Variants in TNFRSF19 observed in about 807,000 individuals in gnomAD.
TNFRSF19 encodes the protein TNF receptor superfamily member 19, also known as tumor necrosis factor receptor superfamily member 19.
TNFRSF19 carries 27 observed loss-of-function variants against 46.4 expected under a neutral mutation model. The observed-to-expected ratio is 0.58, with a 90% CI of 0.43 to 0.80. The LOEUF (loss-of-function observed/expected upper bound fraction) is 0.80, where lower values mean the gene tolerates loss of function less well. Ranked by LOEUF, TNFRSF19 falls within the 30% of genes least tolerant of loss-of-function variation. TNFRSF19 has a pLI of 0.00. For synonymous variants in TNFRSF19, 204 were observed against 205.0 expected, an observed-to-expected ratio of 1.00 and a Z score of 0.04; for missense variants, 511 against 530.8, an observed-to-expected ratio of 0.96 and a Z score of 0.37.
chr13:23,617,579 A>G (rs1320599657), intron 4 of TNFRSF19, among the ~76,000 whole-genome samples: 2 of 152,214 alleles, frequency 1.3e-5, no homozygotes, highest in African/African-American at 4.8e-5. Flanking sequence ...TGGAGCCAAG[A>G]GTTACTGACC....
intron 5 of TNFRSF19, among the ~76,000 whole-genome samples, chr13:23,637,329 G>A (rs567713389): frequency 6.6e-6 from 1 of 152,332 alleles, no homozygotes; most frequent in East Asian, 1.9e-4. Context: ...TTGATTTTGA[G>A]TCCTAACACT....
chr13:23,624,912 A>G (rs1881894731), intron 4 of TNFRSF19, among the ~76,000 whole-genome samples: 1 of 151,762 alleles, frequency 6.6e-6, no homozygotes, highest in Non-Finnish European at 1.5e-5. Context: ...CACCATGCCC[A>G]GCTAATTTTT....
chr13:23,658,151 A>G (rs528238181), intron 5 of TNFRSF19, among the ~76,000 whole-genome samples: 61 of 152,314 alleles, frequency 4.0e-4, no homozygotes, highest in African/African-American at 1.4e-3. Context: ...TCTGATTTAA[A>G]TGAGTTTGTT....
At chr13:23,633,613 C>T (rs963308510) in intron 5 of TNFRSF19, among the ~76,000 whole-genome samples, 4 of 152,148 alleles carry the variant, frequency 2.6e-5, no homozygotes, top group Admixed American at 6.5e-5. Context: ...CTTTGGGTGG[C>T]CAAGGTGGGT....
chr13:23,632,953 T>C (rs567136656), intron 5 of TNFRSF19, among the ~76,000 whole-genome samples: 19 of 152,276 alleles, frequency 1.2e-4, no homozygotes, highest in African/African-American at 4.6e-4. Flanking sequence ...CATTGTCATT[T>C]GATGCCTTTT....
Position 23,673,639 on chromosome 13 carries a change from T to G in TNFRSF19, c.*259T>G, listed in dbSNP as rs1028144078. 2 of 1,094,648 alleles carry G rather than the reference T, an allele frequency of 1.8e-6. No homozygotes were observed. Among genetic ancestry groups the G allele is most frequent in the African/African-American group, 3.2e-5 (2 of 61,804 alleles). 67.8% of individuals were successfully genotyped at this position (1,094,648 alleles called of 1,614,324 possible). A position where few individuals can be genotyped will look rare whatever the true frequency, so the allele number is the denominator to read the frequency against. On this transcript the variant is annotated 3_prime_UTR_variant, in exon 10 of 10. Transcript: ENST00000248484. ...GCATCTTTCCTACATGAGAAGCTTC[T>G]CTGCCACAAAAGTGACTTCAAAGAC...
chr13:23,673,365 G>C lies in TNFRSF19; in HGVS notation c.1246-7G>C. 1 of 1,602,636 alleles carries C rather than the reference G, an allele frequency of 6.2e-7. No individual in the cohort carries two copies. Among genetic ancestry groups the C allele is most frequent in the East Asian group, 2.2e-5 (1 of 44,570 alleles). ...TTTCTAAAGCTTCCTTTCTGTTGCT[G>C]TTTTAGGAAGCTTAAAGAACCTGCT... On this transcript the variant is annotated splice_polypyrimidine_tract_variant and splice_region_variant and intron_variant, in intron 9 of 9. Coordinates refer to ENST00000248484, the MANE Select transcript of TNFRSF19 (RefSeq NM_148957.4).
In TNFRSF19 at chr13:23,667,470, T is replaced by G; in HGVS notation, c.737-510T>G. On this transcript the variant is annotated intron_variant, in intron 7 of 9. Coordinates refer to ENST00000248484, the MANE Select transcript of TNFRSF19 (RefSeq NM_148957.4). ...AGGCCACTCAGCGGGAAAGTTGTCC[T>G]GCTCCTCCTGTCCTCAGTGGGGCCA... 1.3e-5 allele frequency among the ~76,000 whole-genome samples: 2 copies of G among 152,240 alleles called. 1 individual carries two copies. Among genetic ancestry groups the G allele is most frequent in the East Asian group, 3.8e-4 (2 of 5,198 alleles).
intron 5 of TNFRSF19, among the ~76,000 whole-genome samples, chr13:23,656,345 A>C (rs772095663): frequency 4.6e-5 from 7 of 152,220 alleles, no homozygotes; most frequent in Non-Finnish European, 1.0e-4. Context: ...CACCAAATTA[A>C]GAAGAAAATC....
chr13:23,649,974 G>T (rs1201124313), intron 5 of TNFRSF19, among the ~76,000 whole-genome samples: 1 of 152,066 alleles, frequency 6.6e-6, no homozygotes, highest in Non-Finnish European at 1.5e-5. Context: ...CCTAACAGGT[G>T]GTCTGTCCTG....
At chr13:23,602,627 A>G (rs1341398771) in intron 3 of TNFRSF19, among the ~76,000 whole-genome samples, 2 of 152,138 alleles carry the variant, frequency 1.3e-5, no homozygotes, top group Non-Finnish European at 2.9e-5. Context: ...AACACACCTT[A>G]ACAAAGGTAA....
intron 3 of TNFRSF19, among the ~76,000 whole-genome samples, chr13:23,612,547 C>T (rs1488765330): frequency 6.6e-6 from 1 of 152,108 alleles, no homozygotes; most frequent in African/African-American, 2.4e-5. Flanking sequence ...TTCATGGTTT[C>T]TAGTTAATTC....
chr13:23,600,357 G>T (rs966679865), intron 3 of TNFRSF19, among the ~76,000 whole-genome samples: 2 of 152,114 alleles, frequency 1.3e-5, no homozygotes, highest in African/African-American at 4.8e-5. Context: ...GCCAGCACCA[G>T]GGTGGGAAAC....
chr13:23,623,432 G>T (rs1251294723), intron 4 of TNFRSF19, among the ~76,000 whole-genome samples: 3 of 152,156 alleles, frequency 2.0e-5, no homozygotes, highest in African/African-American at 7.2e-5. Context: ...ATCTCTTCAA[G>T]ACCCTGATTT....
At chr13:23,622,075 C>G (rs544162396) in intron 4 of TNFRSF19, among the ~76,000 whole-genome samples, 3 of 152,242 alleles carry the variant, frequency 2.0e-5, no homozygotes, top group African/African-American at 7.2e-5. Context: ...ACCCTCCTTT[C>G]TAAATAGCAT....
At chr13:23,582,430 A>G (rs1439552059) in intron 1 of TNFRSF19, among the ~76,000 whole-genome samples, 1 of 152,072 alleles carries the variant, frequency 6.6e-6, no homozygotes, top group Non-Finnish European at 1.5e-5. Context: ...AAGATTTGGG[A>G]TAATGCATAT....
intron 3 of TNFRSF19, among the ~76,000 whole-genome samples, chr13:23,604,569 A>G (rs1223038330): frequency 1.3e-5 from 2 of 152,130 alleles, no homozygotes; most frequent in Non-Finnish European, 2.9e-5. Flanking sequence ...TAGAAGAAAA[A>G]GTTGGAGGAT....
chr13:23,617,473 G>A (rs1009715761), intron 4 of TNFRSF19, among the ~76,000 whole-genome samples: 1 of 152,188 alleles, frequency 6.6e-6, no homozygotes, highest in Non-Finnish European at 1.5e-5. Flanking sequence ...GGGTGACAAG[G>A]GGGGTGATCT....
rs1951815950 is a variant in TNFRSF19, at chr13:23,675,472, G to A, written c.*2092G>A. On this transcript the variant is annotated 3_prime_UTR_variant, in exon 10 of 10. Transcript: ENST00000248484. ...CAAAACATCATTTTCAATCAGTAGA[G>A]AAGTGCTTAGGGTTGAAAATTGATT... 1 of 152,210 alleles carries A rather than the reference G, an allele frequency of 6.6e-6. No individual in the cohort carries two copies. Among genetic ancestry groups the A allele is most frequent in the African/African-American group, 2.4e-5 (1 of 41,460 alleles). 9.4% of individuals were successfully genotyped at this position (152,210 alleles called of 1,614,324 possible). A position where few individuals can be genotyped will look rare whatever the true frequency, so the allele number is the denominator to read the frequency against.
Sources: allele counts gnomAD v4.1 joint callset (sites outside exome capture counted in the v4.1 genomes callset), GRCh38; gene constraint gnomAD v4.1.1; transcripts MANE v1.5; gene names NCBI Gene and HGNC (gene_info 2026-07-23, HGNC 2026-07-21).